The following KCNH7 variants were observed in gnomAD, a reference collection of about 807,000 sequenced individuals.
KCNH7 encodes the protein potassium voltage-gated channel subfamily H member 7.
A neutral mutation model predicts 120.8 loss-of-function variants in KCNH7; 49 were observed. The observed-to-expected ratio is 0.41, with a 90% CI of 0.32 to 0.51. The LOEUF (loss-of-function observed/expected upper bound fraction) is 0.51. Ranked by LOEUF, KCNH7 falls within the 20% of genes least tolerant of loss-of-function variation. The pLI is 0.38. For missense variants in KCNH7, 1,097 were observed against 1,446.6 expected (o/e 0.76, Z 3.92); for synonymous variants, 547 against 516.1 (o/e 1.06, Z -0.81).
intron 2 of KCNH7, among the ~76,000 whole-genome samples, chr2:162,667,844 C>T (rs1685198058): frequency 6.6e-6 from 1 of 152,110 alleles, no homozygotes; most frequent in Non-Finnish European, 1.5e-5. Flanking sequence ...CTAGAATATA[C>T]TAAGTTCATT....
chr2:162,549,824 C>T (rs758933135), intron 2 of KCNH7, among the ~76,000 whole-genome samples: 2 of 152,158 alleles, frequency 1.3e-5, no homozygotes, highest in Admixed American at 6.5e-5. Context: ...AGCATCAATG[C>T]TTATAAGAAC....
At chr2:162,669,739 G>GC (rs1286820908) in intron 2 of KCNH7, among the ~76,000 whole-genome samples, 1 of 152,120 alleles carries the variant, frequency 6.6e-6, no homozygotes, top group East Asian at 1.9e-4. Flanking sequence ...GCATAGGACA[G>GC]CCCCCCACCC....
At chr2:162,408,521 A>G (rs1687296091) in intron 9 of KCNH7, among the ~76,000 whole-genome samples, 1 of 151,990 alleles carries the variant, frequency 6.6e-6, no homozygotes, top group Admixed American at 6.6e-5. Context: ...GAGTCATAAA[A>G]CAGCTGTGTG....
At chr2:162,804,138 T>G (rs750143057) in intron 2 of KCNH7, among the ~76,000 whole-genome samples, 4 of 151,764 alleles carry the variant, frequency 2.6e-5, no homozygotes, top group African/African-American at 4.8e-5. Context: ...ACTATACAGA[T>G]GTATAAAATC....
chr2:162,430,328 C>A (rs566197604), intron 8 of KCNH7, among the ~76,000 whole-genome samples: 61 of 152,014 alleles, frequency 4.0e-4, no homozygotes, highest in African/African-American at 1.4e-3. Flanking sequence ...GGAGTTTTAC[C>A]CCATGCATTT....
chr2:162,542,940 A>G (rs767959057), intron 2 of KCNH7, among the ~76,000 whole-genome samples: 2 of 152,134 alleles, frequency 1.3e-5, no homozygotes, highest in African/African-American at 4.8e-5. Flanking sequence ...AATGATTTCT[A>G]TAACTCTTAT....
intron 2 of KCNH7, among the ~76,000 whole-genome samples, chr2:162,662,669 A>G (rs1685003519): frequency 1.3e-5 from 2 of 152,148 alleles, no homozygotes; most frequent in South Asian, 2.1e-4. Context: ...GTCCTCTGTG[A>G]TCACCCTCCT....
intron 2 of KCNH7, among the ~76,000 whole-genome samples, chr2:162,677,380 A>G (rs1685562700): frequency 6.6e-6 from 1 of 151,424 alleles, no homozygotes; most frequent in African/African-American, 2.4e-5. Context: ...AAATTAAGAA[A>G]CAGAGTGCCA....
chr2:162,792,690 TA>T (rs1310950341), intron 2 of KCNH7, among the ~76,000 whole-genome samples: 1 of 150,088 alleles, frequency 6.7e-6, no homozygotes, highest in African/African-American at 2.4e-5. Context: ...TCTTCTTTAT[TA>T]GTCTAACAAG....
intron 2 of KCNH7, among the ~76,000 whole-genome samples, chr2:162,752,953 G>C (rs1574343204): frequency 2.8e-5 from 3 of 106,930 alleles, no homozygotes; most frequent in East Asian, 4.3e-4. Context: ...GAAAAGAAAA[G>C]AAAAGAAAAG....
intron 6 of KCNH7, among the ~76,000 whole-genome samples, chr2:162,469,122 G>GTGAGCAAAGCAC (rs768613343): frequency 5.3e-5 from 8 of 152,104 alleles, no homozygotes; most frequent in Non-Finnish European, 1.0e-4. Flanking sequence ...GATTATAGGT[G>GTGAGCAAAGCAC]TGAGCAACTG....
chr2:162,729,076 C>A (rs1687627406), intron 2 of KCNH7, among the ~76,000 whole-genome samples: 1 of 151,846 alleles, frequency 6.6e-6, no homozygotes, highest in Admixed American at 6.5e-5. Flanking sequence ...TATTACATTA[C>A]CTTGGCCCAT....
intron 2 of KCNH7, among the ~76,000 whole-genome samples, chr2:162,572,659 A>G (rs1364438176): frequency 7.9e-6 from 1 of 125,832 alleles, no homozygotes; most frequent in Non-Finnish European, 1.6e-5. Context: ...AATGTCCAAC[A>G]ATGATAGACT....
At chr2:162,578,170 T>C (rs1460818880) in intron 2 of KCNH7, among the ~76,000 whole-genome samples, 1 of 152,052 alleles carries the variant, frequency 6.6e-6, no homozygotes, top group African/African-American at 2.4e-5. Context: ...GTTTCTAATG[T>C]GAGAGAGACA....
chr2:162,837,613 C>T (rs1305673775), intron 1 of KCNH7, among the ~76,000 whole-genome samples: 1 of 152,128 alleles, frequency 6.6e-6, no homozygotes, highest in Non-Finnish European at 1.5e-5. Context: ...AAATATATGG[C>T]ATACAAATGT....
intron 2 of KCNH7, among the ~76,000 whole-genome samples, chr2:162,658,387 A>G (rs1379514807): frequency 2.0e-5 from 3 of 152,136 alleles, no homozygotes; most frequent in Non-Finnish European, 4.4e-5. Flanking sequence ...AGTCTTGATT[A>G]CTATAGCCTT....
At chr2:162,823,593 T>C (rs1034044399) in intron 2 of KCNH7, among the ~76,000 whole-genome samples, 4 of 152,200 alleles carry the variant, frequency 2.6e-5, no homozygotes, top group Non-Finnish European at 5.9e-5. Context: ...TACTATAACA[T>C]AGTCTTTATT....
chr2:162,638,426 G>A lies in KCNH7; in HGVS notation c.308-101346C>T, dbSNP rs543955955. Among the ~76,000 whole-genome samples the A allele has an allele frequency of 2.6e-5, 4 of 152,070 alleles. No homozygotes were observed. In the South Asian group the frequency reaches 8.3e-4, roughly 32 times the overall value. The stretch of plus-strand genomic sequence containing the variant: ...TAACAGAAAATATTAATGGCTTAGG[G>A]TTACAACAAATTAAATTTCTGCATT... On this transcript the variant is annotated intron_variant, in intron 2 of 15. Coordinates refer to ENST00000332142, the MANE Select transcript of KCNH7 (RefSeq NM_033272.4).
intron 2 of KCNH7, among the ~76,000 whole-genome samples, chr2:162,804,483 G>T (rs1684461478): frequency 6.6e-6 from 1 of 151,544 alleles, no homozygotes; most frequent in African/African-American, 2.4e-5. Flanking sequence ...TACGATAGCT[G>T]CAACAAAACA....
Sources: gnomAD v4.1 joint callset for allele counts (sites outside exome capture counted in the v4.1 genomes callset) on GRCh38, gnomAD v4.1.1 for gene constraint, MANE v1.5 for transcripts, NCBI Gene and HGNC (gene_info 2026-07-23, HGNC 2026-07-21) for gene names.